Variants in ZNF385D observed in about 807,000 individuals in gnomAD.
The protein encoded by ZNF385D is zinc finger protein 659.
Under a neutral mutation model 35.8 loss-of-function variants are expected in ZNF385D, and 15 were observed. That is an observed-to-expected ratio of 0.42 (90% confidence interval 0.28 to 0.64). ZNF385D has a LOEUF of 0.64. ZNF385D is among the 30% of genes least tolerant of loss of function. The probability of loss-of-function intolerance (pLI) is 0.23; values close to 1 mark genes in which losing one functional copy is unlikely to be tolerated. For missense variants in ZNF385D, 474 were observed against 494.6 expected, an observed-to-expected ratio of 0.96 and a Z score of 0.39; for synonymous variants, 212 against 186.8, an observed-to-expected ratio of 1.13 and a Z score of -1.10.
intron 1 of ZNF385D, among the ~76,000 whole-genome samples, chr3:21,689,130 C>CAAAAAAAAAAAAAAAAAAAA (rs5847126): frequency 8.7e-6 from 1 of 114,372 alleles, no homozygotes; most frequent in Non-Finnish European, 1.8e-5. Context: ...CTTATTGAAG[C>CAAAAAAAAAAAAAAAAAAAA]AAAAAAAAAA....
At chr3:22,115,623 A>T (rs1436138977) in intron 3 of ZNF385D, among the ~76,000 whole-genome samples, 2 of 152,122 alleles carry the variant, frequency 1.3e-5, no homozygotes, top group African/African-American at 4.8e-5. Context: ...AGTTAAAGAC[A>T]TTTTACTGGA....
chr3:21,552,068 T>G (rs944229555), intron 3 of ZNF385D, among the ~76,000 whole-genome samples: 7 of 152,152 alleles, frequency 4.6e-5, no homozygotes, highest in African/African-American at 1.7e-4. Context: ...TGATAGAGGA[T>G]TCAACCAAGC....
At chr3:21,499,797 T>A (rs1379689205) in intron 4 of ZNF385D, among the ~76,000 whole-genome samples, 1 of 152,152 alleles carries the variant, frequency 6.6e-6, no homozygotes, top group Non-Finnish European at 1.5e-5. Flanking sequence ...AGCAATCACG[T>A]AAATATAAAA....
chr3:22,209,814 T>C (rs1697399336), intron 2 of ZNF385D, among the ~76,000 whole-genome samples: 1 of 151,802 alleles, frequency 6.6e-6, no homozygotes, highest in Non-Finnish European at 1.5e-5. Context: ...TACACAAAAG[T>C]CAACTCAGAA....
intron 2 of ZNF385D, among the ~76,000 whole-genome samples, chr3:22,338,138 T>C (rs1043402489): frequency 1.6e-4 from 25 of 152,188 alleles, no homozygotes; most frequent in African/African-American, 5.3e-4. Flanking sequence ...GAAAAGAAAG[T>C]AGGAGAAAGG....
At chr3:21,936,748 A>G (rs1250813453) in intron 3 of ZNF385D, among the ~76,000 whole-genome samples, 3 of 152,170 alleles carry the variant, frequency 2.0e-5, no homozygotes, top group Non-Finnish European at 4.4e-5. Context: ...AAAAGCTAAA[A>G]TTTTAAAAAA....
intron 2 of ZNF385D, among the ~76,000 whole-genome samples, chr3:22,285,116 G>T (rs9836572): frequency 1.8e-3 from 268 of 152,234 alleles, no homozygotes; most frequent in African/African-American, 6.3e-3. Flanking sequence ...TTGATTAGAG[G>T]TAGTATTTCC....
intron 3 of ZNF385D, among the ~76,000 whole-genome samples, chr3:21,851,734 C>T (rs1696400174): frequency 6.6e-6 from 1 of 151,948 alleles, no homozygotes; most frequent in Non-Finnish European, 1.5e-5. Flanking sequence ...TACACGTCCC[C>T]ACTGCATTTA....
intron 3 of ZNF385D, among the ~76,000 whole-genome samples, chr3:21,840,709 C>A (rs1208478654): frequency 6.6e-6 from 1 of 152,040 alleles, no homozygotes; most frequent in Non-Finnish European, 1.5e-5. Flanking sequence ...AGTTCTAATA[C>A]TCTACCATTA....
At chr3:22,103,464 T>G (rs533144744) in intron 3 of ZNF385D, among the ~76,000 whole-genome samples, 3 of 152,278 alleles carry the variant, frequency 2.0e-5, no homozygotes, top group South Asian at 2.1e-4. Context: ...TGATACTATT[T>G]TACAATTTTC....
At chr3:22,014,677 A>C (rs545054685) in intron 3 of ZNF385D, among the ~76,000 whole-genome samples, 2 of 151,466 alleles carry the variant, frequency 1.3e-5, no homozygotes, top group Non-Finnish European at 2.9e-5. Context: ...CAAATTGAAT[A>C]ATGAATTGAA....
intron 3 of ZNF385D, among the ~76,000 whole-genome samples, chr3:21,859,682 T>TTC (rs1250040370): frequency 6.6e-6 from 1 of 151,190 alleles, no homozygotes; most frequent in Non-Finnish European, 1.5e-5. Context: ...CATTTTTTTT[T>TTC]TTTTCCTGTA....
At chr3:21,785,361 A>C (rs946912776) in intron 3 of ZNF385D, among the ~76,000 whole-genome samples, 1 of 152,158 alleles carries the variant, frequency 6.6e-6, no homozygotes, top group African/African-American at 2.4e-5. Flanking sequence ...CATTTCCTAC[A>C]GTTACCATCA....
At chr3:22,134,853 C>T (rs1704012047) in intron 3 of ZNF385D, among the ~76,000 whole-genome samples, 1 of 152,158 alleles carries the variant, frequency 6.6e-6, no homozygotes. Context: ...AAGGTACCCA[C>T]TCTTGGCCAT....
At chr3:21,673,343 C>A (rs977207157) in intron 1 of ZNF385D, among the ~76,000 whole-genome samples, 1 of 152,128 alleles carries the variant, frequency 6.6e-6, no homozygotes, top group African/African-American at 2.4e-5. Flanking sequence ...GTACACTGCA[C>A]ATATAAAACA....
intron 1 of ZNF385D, among the ~76,000 whole-genome samples, chr3:21,719,828 CTG>C (rs1232466857): frequency 1.3e-5 from 2 of 152,168 alleles, no homozygotes; most frequent in African/African-American, 2.4e-5. Flanking sequence ...ATCTCTTTTG[CTG>C]TGTGTTTCTT....
At chr3:21,861,145 A>G (rs555241377) in intron 3 of ZNF385D, among the ~76,000 whole-genome samples, 1 of 152,238 alleles carries the variant, frequency 6.6e-6, no homozygotes, top group East Asian at 1.9e-4. Flanking sequence ...TCACTGGTCT[A>G]CTCACAGGAC....
intron 3 of ZNF385D, among the ~76,000 whole-genome samples, chr3:21,899,776 T>C (rs1009481159): frequency 6.6e-6 from 1 of 152,172 alleles, no homozygotes; most frequent in Admixed American, 6.5e-5. Context: ...TAAAGTTTTA[T>C]TGCTTTATAT....
chr3:21,964,120 C>G (rs1377915930), intron 3 of ZNF385D, among the ~76,000 whole-genome samples: 1 of 151,904 alleles, frequency 6.6e-6, no homozygotes. Flanking sequence ...TCTAATACAA[C>G]TGGCCCACAA....
Sources: allele counts gnomAD v4.1 joint callset (sites outside exome capture counted in the v4.1 genomes callset), GRCh38; gene constraint gnomAD v4.1.1; transcripts MANE v1.5; gene names NCBI Gene and HGNC (gene_info 2026-07-23, HGNC 2026-07-21).